The following CUBN variants were observed in gnomAD, a reference collection of about 807,000 sequenced individuals.
The protein encoded by CUBN is cubilin.
A neutral mutation model predicts 405.3 loss-of-function variants in CUBN; 282 were observed. The ratio of observed to expected loss-of-function variants is 0.70; its 90% confidence interval spans 0.63 to 0.77. CUBN has a LOEUF of 0.77. Ranked by LOEUF, CUBN falls within the 30% of genes least tolerant of loss-of-function variation. The pLI is 0.00. For missense variants in CUBN, 4,514 were observed against 4,475.2 expected, an observed-to-expected ratio of 1.01 and a Z score of -0.25; for synonymous variants, 1,684 against 1,617.0, an observed-to-expected ratio of 1.04 and a Z score of -0.99.
chr10:16,828,643 A>G (rs1187013258), intron 66 of CUBN, among the ~76,000 whole-genome samples, 162 bp downstream of exon 66: 2 of 151,970 alleles, frequency 1.3e-5, no homozygotes, highest in African/African-American at 2.4e-5. Context: ...GCTTGAACCC[A>G]GGAGGCGGAG....
At chr10:17,077,810 A>G (rs1451055873) in intron 17 of CUBN, among the ~76,000 whole-genome samples, 1 of 152,210 alleles carries the variant, frequency 6.6e-6, no homozygotes, top group Admixed American at 6.5e-5. Context: ...GAAGCCATTT[A>G]GGATCTCAAA....
chr10:16,942,877 A>AGGGAAGGGAAGGGAG (rs1842691875), intron 36 of CUBN, among the ~76,000 whole-genome samples: 4 of 134,994 alleles, frequency 3.0e-5, no homozygotes, highest in African/African-American at 1.1e-4. Context: ...AGGGAAGGGA[A>AGGGAAGGGAAGGGAG]GGGAGGGGAA....
rs544466369 is a variant in CUBN at position 16,892,693 on chromosome 10, C to T, written c.8599-2166G>A. 6.6e-5 allele frequency among the ~76,000 whole-genome samples: 10 copies of T among 151,996 alleles called. No homozygotes were observed. The East Asian group carries it at 1.5e-3, about 24-fold the overall frequency. The stretch of plus-strand genomic sequence containing the variant: ...TTTTTTTGCAGAGATGGGGTTTTCC[C>T]GTGTTGCCCAGCCTGGTCTCAAACT... On this transcript the variant is annotated intron_variant, in intron 54 of 66. Coordinates refer to ENST00000377833, the MANE Select transcript of CUBN (RefSeq NM_001081.4).
intron 10 of CUBN, among the ~76,000 whole-genome samples, chr10:17,108,943 A>C (rs1836703260): frequency 1.3e-5 from 2 of 152,222 alleles, no homozygotes. Flanking sequence ...AAATGTGGAA[A>C]GTATTAATTA....
chr10:17,080,176 A>C (rs1835936888), intron 17 of CUBN, among the ~76,000 whole-genome samples: 2 of 151,920 alleles, frequency 1.3e-5, no homozygotes, highest in South Asian at 2.1e-4. Flanking sequence ...TTCATTTTTT[A>C]TTTCTTTCTC....
intron 28 of CUBN, among the ~76,000 whole-genome samples, chr10:16,999,813 G>A (rs1199550789): frequency 6.6e-6 from 1 of 152,118 alleles, no homozygotes; most frequent in Non-Finnish European, 1.5e-5. Context: ...GCTCTTGCAG[G>A]GAAAAGCTCA....
At chr10:16,834,405 GGTGGGTGT>G (rs980269859) in intron 64 of CUBN, among the ~76,000 whole-genome samples, 3 of 152,104 alleles carry the variant, frequency 2.0e-5, no homozygotes, top group African/African-American at 2.4e-5. Flanking sequence ...GGGAGTGGGG[GGTGGGTGT>G]GTGGACGATG....
At position 16,968,753 on chromosome 10, in the gene CUBN, C is replaced by T. The variant is rs533584377; in HGVS notation, c.4695+13731G>A. 1.2e-4 allele frequency among the ~76,000 whole-genome samples: 19 copies of T among 152,352 alleles called. 1 individual carries two copies. The South Asian group carries it at 3.9e-3, about 32-fold the overall frequency. ...CAATTTAACTGTCAGTCAGAGGTCA[C>T]TTTAATACTCAGCCTTCGTGAAAGG... On this transcript the variant is annotated intron_variant, in intron 31 of 66. Transcript: ENST00000377833.
intron 43 of CUBN, among the ~76,000 whole-genome samples, chr10:16,920,989 C>T (rs7921129): frequency 0.37 from 55,826 of 152,064 alleles, 10,703 homozygotes; most frequent in Non-Finnish European, 0.41. Context: ...CCAACTCCCT[C>T]GCTTCGTGTC....
chr10:16,843,306 T>C (rs1839412386), intron 60 of CUBN, among the ~76,000 whole-genome samples: 1 of 152,252 alleles, frequency 6.6e-6, no homozygotes, highest in African/African-American at 2.4e-5. Flanking sequence ...TCTGTGTGTA[T>C]CTAACTCCAA....
chr10:16,995,357 C>T (rs1227532974), intron 28 of CUBN, among the ~76,000 whole-genome samples: 3 of 152,160 alleles, frequency 2.0e-5, no homozygotes, highest in African/African-American at 7.2e-5. Context: ...AGTAATCTAA[C>T]CTTTCTTTCA....
At chr10:17,014,018 C>A (rs1050671203) in intron 28 of CUBN, among the ~76,000 whole-genome samples, 9 of 152,278 alleles carry the variant, frequency 5.9e-5, no homozygotes, top group African/African-American at 2.2e-4. Context: ...CGTGCATGTA[C>A]GTATCTGAAG....
chr10:17,044,966 G>C (rs1178112765), intron 25 of CUBN, 41 bp downstream of exon 25: 1 of 1,579,614 alleles, frequency 6.3e-7, no homozygotes, highest in Non-Finnish European at 8.7e-7. Flanking sequence ...CGTTGGGTGA[G>C]ATGGGAGCAG....
In CUBN at chr10:17,085,673, G is replaced by A. The variant is rs748399416; in HGVS notation, c.2034C>T (p.Pro678=). The change falls in exon 16 of 67, where the codon CCC becomes CCT. Residue 678 remains proline, a synonymous_variant. Transcript: ENST00000377833. ...FSVPPLQTTG[P]FARIHFHSDS... ...CTGAATGGAAGTGAATTCTGGCAAA[G>A]GGGCCAGTAGTCTGGAGCGGTGGGA... 3.1e-6 allele frequency: 5 copies of A among 1,614,086 alleles called. No homozygotes were observed. Among genetic ancestry groups the A allele is most frequent in the South Asian group, 2.2e-5 (2 of 91,082 alleles).
intron 40 of CUBN, 134 bp downstream of exon 40, chr10:16,932,953 G>T: frequency 1.2e-6 from 1 of 863,722 alleles, no homozygotes; most frequent in Non-Finnish European, 1.9e-6. Context: ...TTCTGGTACT[G>T]ATGCCTTCCT....
chr10:16,942,536 C>T (rs1206492204), intron 36 of CUBN, among the ~76,000 whole-genome samples: 1 of 152,010 alleles, frequency 6.6e-6, no homozygotes, highest in Non-Finnish European at 1.5e-5. Flanking sequence ...AGAGATAACA[C>T]TACAAACCAC....
At chr10:16,902,529 T>C (rs1841426540) in intron 51 of CUBN, among the ~76,000 whole-genome samples, 1 of 151,966 alleles carries the variant, frequency 6.6e-6, no homozygotes, top group Admixed American at 6.6e-5. Context: ...CAAATAATAC[T>C]GTTTACTGAA....
intron 31 of CUBN, among the ~76,000 whole-genome samples, chr10:16,975,193 C>A (rs1029525652): frequency 6.6e-6 from 1 of 152,192 alleles, no homozygotes; most frequent in Non-Finnish European, 1.5e-5. Context: ...TTTTGCCTTA[C>A]CTACCAGCCC....
At chr10:17,126,451 T>A (rs1003813113) in intron 4 of CUBN, among the ~76,000 whole-genome samples, 2 of 152,100 alleles carry the variant, frequency 1.3e-5, no homozygotes, top group African/African-American at 4.8e-5. Flanking sequence ...AGTTGGGAGA[T>A]CACTAGCTGA....
Sources: allele counts gnomAD v4.1 joint callset (sites outside exome capture counted in the v4.1 genomes callset), GRCh38; gene constraint gnomAD v4.1.1; transcripts MANE v1.5; gene names NCBI Gene and HGNC (gene_info 2026-07-23, HGNC 2026-07-21).